Variants in GPATCH8 observed in about 807,000 individuals in gnomAD.
GPATCH8 encodes the protein G patch domain-containing protein 8.
Under a neutral mutation model 118.3 loss-of-function variants are expected in GPATCH8, and 18 were observed. The ratio of observed to expected loss-of-function variants is 0.15; its 90% CI spans 0.11 to 0.23. The LOEUF (loss-of-function observed/expected upper bound fraction) is 0.23. GPATCH8 is among the 10% of genes least tolerant of loss of function. The pLI, the probability that GPATCH8 is intolerant of heterozygous loss-of-function variation, is 1.00. For synonymous variants in GPATCH8, 659 were observed against 684.7 expected, an observed-to-expected ratio of 0.96 and a Z score of 0.59; for missense variants, 1,631 against 1,873.8, an observed-to-expected ratio of 0.87 and a Z score of 2.39.
chr17:44,473,014 T>C (rs1297184216), intron 2 of GPATCH8, among the ~76,000 whole-genome samples: 3 of 151,542 alleles, frequency 2.0e-5, no homozygotes, highest in South Asian at 2.1e-4. Context: ...GTTTTGTAAA[T>C]TGAAATGGAA....
chr17:44,478,715 T>C (rs542383338), intron 1 of GPATCH8, among the ~76,000 whole-genome samples: 2 of 152,126 alleles, frequency 1.3e-5, no homozygotes, highest in East Asian at 3.9e-4. Context: ...TAACAATAAC[T>C]ATGTACTACT....
At chr17:44,456,696 C>T (rs2051346499) in intron 3 of GPATCH8, among the ~76,000 whole-genome samples, 1 of 152,050 alleles carries the variant, frequency 6.6e-6, no homozygotes, top group Admixed American at 6.5e-5. Context: ...TAATGCAGGC[C>T]TTACCCTACA....
intron 1 of GPATCH8, among the ~76,000 whole-genome samples, chr17:44,489,630 G>A (rs989191055): frequency 4.6e-5 from 7 of 152,098 alleles, no homozygotes; most frequent in Non-Finnish European, 8.8e-5. Flanking sequence ...GTGAGCCACC[G>A]CCCCCAGCTG....
At chr17:44,441,751 G>A (rs1010285348) in intron 3 of GPATCH8, among the ~76,000 whole-genome samples, 1 of 131,724 alleles carries the variant, frequency 7.6e-6, no homozygotes, top group East Asian at 2.3e-4. Context: ...TCAAAAGCCC[G>A]GGCACGGTGG....
At chr17:44,414,648 A>G (rs1284916744) in intron 6 of GPATCH8, among the ~76,000 whole-genome samples, 2 of 152,146 alleles carry the variant, frequency 1.3e-5, no homozygotes, top group Non-Finnish European at 2.9e-5. Flanking sequence ...GTTTTAGTAC[A>G]TTCTTAGAAT....
At chr17:44,407,259 T>A (rs1002066500) in intron 6 of GPATCH8, 3 of 150,914 alleles carry the variant, frequency 2.0e-5, no homozygotes, top group Admixed American at 2.0e-4. Flanking sequence ...TTGCTTTCAA[T>A]ACATCAGCTG....
chr17:44,475,201 A>C (rs1967644371), intron 1 of GPATCH8, among the ~76,000 whole-genome samples: 1 of 150,678 alleles, frequency 6.6e-6, no homozygotes, highest in Non-Finnish European at 1.5e-5. Context: ...CAAAATAATG[A>C]AACTCCATCT....
Position 44,398,919 on chromosome 17 carries a change from C to G in GPATCH8, c.3158G>C (p.Gly1053Ala). ...TGTTGCTTTACTGTCATCTCCTCTG[C>G]CATCATCTTTCTTCCCAGGACCTTC... ...RGEGPGKKDD[G>A]RGDDSKATGP... Residue 1053 changes from glycine (G) to alanine (A), a missense_variant, in exon 8 of 8, where the codon GGC (glycine) becomes GCC (alanine). By Grantham distance (60) the Gly-to-Ala change is moderately conservative. Transcript: ENST00000591680. The G allele has an allele frequency of 6.2e-7, 1 of 1,614,166 alleles. No homozygotes were observed. The highest frequency in any genetic ancestry group is 8.5e-7 in the Non-Finnish European group (1 of 1,180,016).
rs540159966 is a variant in GPATCH8 at position 44,396,244 on chromosome 17, C to A, written c.*1324G>T. ...AGGGAAACCCAGGAATCCCCCCAGA[C>A]AATCACCAAATCTCACTGCTTCCAG... On this transcript the variant is annotated 3_prime_UTR_variant, in exon 8 of 8. Transcript: ENST00000591680. 6 of 454,522 alleles carry A rather than the reference C, an allele frequency of 1.3e-5. No homozygotes were observed. The highest frequency in any genetic ancestry group is 7.8e-5 in the South Asian group (5 of 64,472). 28.2% of individuals were successfully genotyped at this position (454,522 alleles called of 1,614,324 possible). A position where few individuals can be genotyped will look rare whatever the true frequency, so the allele number is the denominator to read the frequency against.
At position 44,397,254 on chromosome 17, in the gene GPATCH8, G is replaced by A. The variant is rs1284083720; in HGVS notation, c.*314C>T. On this transcript the variant is annotated 3_prime_UTR_variant, in exon 8 of 8. Transcript: ENST00000591680. ...GAGCAGAGGAAAAAAGCAGAGGGAG[G>A]AGGGGATTATCTAAACTTGACAGTT... The A allele has an allele frequency of 1.8e-6, 1 of 540,972 alleles. No homozygotes were observed. The highest frequency in any genetic ancestry group is 3.5e-6 in the Non-Finnish European group (1 of 283,152). 33.5% of individuals were successfully genotyped at this position (540,972 alleles called of 1,614,324 possible). A position where few individuals can be genotyped will look rare whatever the true frequency, so the allele number is the denominator to read the frequency against.
intron 1 of GPATCH8, 25 bp downstream of exon 1, chr17:44,503,301 C>T (rs1215946364): frequency 6.3e-6 from 10 of 1,599,964 alleles, no homozygotes; most frequent in Middle Eastern, 1.7e-4. Context: ...GCCTTCCCCG[C>T]ATCCTCGGCG....
At chr17:44,461,993 C>A (rs907587778) in intron 3 of GPATCH8, among the ~76,000 whole-genome samples, 3 of 152,114 alleles carry the variant, frequency 2.0e-5, no homozygotes, top group African/African-American at 7.2e-5. Context: ...AGCCACAGCA[C>A]CCTGCCTAAA....
chr17:44,430,901 T>C (rs1478681307), intron 5 of GPATCH8, among the ~76,000 whole-genome samples: 2 of 150,238 alleles, frequency 1.3e-5, no homozygotes, highest in Non-Finnish European at 1.5e-5. Flanking sequence ...CCCGCCCACC[T>C]TGGCCTCCCA....
Position 44,503,396 on chromosome 17 carries a change from C to T in GPATCH8, c.-26G>A, listed in dbSNP as rs763260904. On this transcript the variant is annotated 5_prime_UTR_variant, in exon 1 of 8. Coordinates refer to ENST00000591680, the MANE Select transcript of GPATCH8 (RefSeq NM_001002909.4). ...TTTGCCGCCTTCACTCCTCTCAGGA[C>T]GACGCTCTCCGGTTCGCTCCTTCCC... 4.4e-6 allele frequency: 7 copies of T among 1,590,172 alleles called. No homozygotes were observed. Among genetic ancestry groups the T allele is most frequent in the Admixed American group, 1.7e-5 (1 of 58,060 alleles).
rs182301536 is a variant in GPATCH8, at chr17:44,480,311, G to A, written c.46-5408C>T. ...TTAAAAAAAAATGCGGCAGGGCGCG[G>A]TGGCTCATGCCTGTAATCCCAGCAA... On this transcript the variant is annotated intron_variant, in intron 1 of 7. Transcript: ENST00000591680. Among the ~76,000 whole-genome samples, 333 of 152,316 alleles carry A rather than the reference G, an allele frequency of 2.2e-3. 1 individual carries two copies. Among genetic ancestry groups the A allele is most frequent in the African/African-American group, 7.6e-3 (316 of 41,558 alleles).
chr17:44,502,599 G>A (rs1464218447), intron 1 of GPATCH8, among the ~76,000 whole-genome samples: 2 of 152,074 alleles, frequency 1.3e-5, no homozygotes, highest in Non-Finnish European at 2.9e-5. Context: ...TCAAGCTTTT[G>A]GCACTAGTGA....
intron 3 of GPATCH8, among the ~76,000 whole-genome samples, chr17:44,456,967 A>C (rs2051358584): frequency 6.6e-6 from 1 of 151,858 alleles, no homozygotes; most frequent in Non-Finnish European, 1.5e-5. Flanking sequence ...GGTTCAAGTG[A>C]TTCTCCTGTC....
At chr17:44,466,568 A>G (rs2051772580) in intron 2 of GPATCH8, among the ~76,000 whole-genome samples, 1 of 152,152 alleles carries the variant, frequency 6.6e-6, no homozygotes, top group Admixed American at 6.6e-5. Context: ...AACTGCCAGG[A>G]AAAACATTCC....
chr17:44,415,811 CTG>C (rs1345365517), intron 6 of GPATCH8, among the ~76,000 whole-genome samples: 2 of 152,218 alleles, frequency 1.3e-5, no homozygotes, highest in Non-Finnish European at 2.9e-5. Flanking sequence ...AAGGTTGAAA[CTG>C]TAGAACAAAA....
Sources: allele counts gnomAD v4.1 joint callset (sites outside exome capture counted in the v4.1 genomes callset), GRCh38; gene constraint gnomAD v4.1.1; transcripts MANE v1.5; gene names NCBI Gene and HGNC (gene_info 2026-07-23, HGNC 2026-07-21).